TUBB8: variants seen among roughly 807,000 people sequenced by gnomAD.
TUBB8 encodes the protein tubulin beta 8 class VIII, also known as tubulin beta-8 chain.
Under a neutral mutation model 33.7 loss-of-function variants are expected in TUBB8, and 25 were observed. The observed-to-expected ratio is 0.74, with a 90% CI of 0.54 to 1.04. The LOEUF is 1.04. Ranked by LOEUF, TUBB8 falls within the 50% of genes least tolerant of loss-of-function variation. The probability of loss-of-function intolerance (pLI) is 0.00; values close to 1 mark genes in which losing one functional copy is unlikely to be tolerated. For missense variants in TUBB8, 279 were observed against 608.0 expected, an observed-to-expected ratio of 0.46 and a Z score of 5.69; for synonymous variants, 245 against 240.1, an observed-to-expected ratio of 1.02 and a Z score of -0.19.
intron 1 of TUBB8, among the ~76,000 whole-genome samples, chr10:71,728 A>G (rs1241663914): frequency 6.6e-6 from 1 of 151,816 alleles, no homozygotes; most frequent in Non-Finnish European, 1.5e-5. Flanking sequence ...GGAGTTAAAG[A>G]CAAACCTGAG....
At chr10:58,646 T>C (rs2130941441) in intron 1 of TUBB8, among the ~76,000 whole-genome samples, 1 of 152,234 alleles carries the variant, frequency 6.6e-6, no homozygotes, top group Non-Finnish European at 1.5e-5. Context: ...TTACACACTT[T>C]TAAATAACCA....
At chr10:67,685 A>G (rs1834688260) in intron 1 of TUBB8, among the ~76,000 whole-genome samples, 1 of 152,334 alleles carries the variant, frequency 6.6e-6, no homozygotes, top group Non-Finnish European at 1.5e-5. Context: ...TTGGACTCCA[A>G]AAGTGCTGGG....
upstream of TUBB8, chr10:49,538 A>C: frequency 3.3e-6 from 2 of 613,520 alleles, no homozygotes; most frequent in Non-Finnish European, 6.1e-6. Context: ...TCCCTAGCTG[A>C]GCTGAAACTG....
chr10:47,397 T>G lies in TUBB8; in HGVS notation c.995A>C (p.Asn332Thr). The G allele has an allele frequency of 6.2e-7, 1 of 1,612,644 alleles. No homozygotes were observed. Among genetic ancestry groups the G allele is most frequent in the Admixed American group, 1.7e-5 (1 of 60,024 alleles). ...PMREVDEQMFNIQDKNSSYFA... is the reference protein window; with the variant it reads ...PMREVDEQMFTIQDKNSSYFA... Reference sequence around the variant, plus strand: ...GTAACTGCTGTTCTTATCTTGAATGTTGAACATTTGTTCATCCACCTCCCT... The same window carrying G: ...GTAACTGCTGTTCTTATCTTGAATGGTGAACATTTGTTCATCCACCTCCCT... Residue 332 changes from asparagine (N) to threonine (T), a missense_variant, in exon 4 of 4, where the codon AAC becomes ACC. Physicochemically the swap from Asn to Thr is moderately conservative, Grantham distance 65. Around this residue, in one of 4 missense-constraint regions of TUBB8, gnomAD observed 123 missense variants for 228.9 expected, o/e 0.54. Transcript: ENST00000568584.
At chr10:49,440 A>C (rs1451475381), upstream of TUBB8, 12 of 706,202 alleles carry the variant, frequency 1.7e-5, no homozygotes, top group Non-Finnish European at 2.9e-5. Flanking sequence ...CATCTGTTGG[A>C]AAGCTCAGGT....
intron 1 of TUBB8, among the ~76,000 whole-genome samples, chr10:71,421 G>C (rs532051445): frequency 5.3e-5 from 8 of 151,262 alleles, no homozygotes; most frequent in African/African-American, 1.9e-4. Flanking sequence ...ATCACCTGAG[G>C]TCAGGAGTTC....
At chr10:75,654 CA>C (rs35362588), upstream of TUBB8, among the ~76,000 whole-genome samples, 912 of 93,510 alleles carry the variant, frequency 9.8e-3, 3 homozygotes, top group African/African-American at 0.033. Context: ...GACTCTGTCT[CA>C]AAAAAAAAAA....
intron 1 of TUBB8, among the ~76,000 whole-genome samples, chr10:57,223 T>C (rs1554740236): frequency 1.3e-5 from 2 of 152,244 alleles, no homozygotes; most frequent in Non-Finnish European, 1.5e-5. Context: ...TGGTATTGTG[T>C]GCCTCTGGCT....
At chr10:57,317 C>G (rs1453617171) in intron 1 of TUBB8, among the ~76,000 whole-genome samples, 1 of 152,220 alleles carries the variant, frequency 6.6e-6, no homozygotes, top group Non-Finnish European at 1.5e-5. Flanking sequence ...GGACAGTGAT[C>G]CTCTCCTCAC....
At chr10:65,460 C>CA (rs1442689055) in intron 1 of TUBB8, among the ~76,000 whole-genome samples, 7 of 152,232 alleles carry the variant, frequency 4.6e-5, no homozygotes, top group Admixed American at 3.9e-4. Context: ...TGTGGTGGCT[C>CA]ACACCTGAAA....
In TUBB8 at chr10:48,610, C is replaced by T. The variant is rs373396912; in HGVS notation, c.277+5G>A. ...GCCGCACCCCAGTCCTCGCCCGCAG[C>T]TCACCGAAGATGAAGTTGTCTGGCC... On this transcript the variant is annotated splice_donor_5th_base_variant and intron_variant, in intron 3 of 3. Transcript: ENST00000568584. The T allele has an allele frequency of 1.2e-6, 2 of 1,611,634 alleles. No homozygotes were observed. Among genetic ancestry groups the T allele is most frequent in the African/African-American group, 1.3e-5 (1 of 74,868 alleles).
intron 1 of TUBB8, among the ~76,000 whole-genome samples, chr10:58,281 T>C (rs1156823343): frequency 6.6e-6 from 1 of 152,246 alleles, no homozygotes; most frequent in Non-Finnish European, 1.5e-5. Context: ...AAATCTCAAC[T>C]TTCCCTCATT....
intron 1 of TUBB8, among the ~76,000 whole-genome samples, chr10:66,758 G>C (rs1834676191): frequency 6.6e-6 from 1 of 152,214 alleles, no homozygotes; most frequent in Non-Finnish European, 1.5e-5. Context: ...TATCACTTGA[G>C]AACAGGAGTT....
intron 1 of TUBB8, among the ~76,000 whole-genome samples, chr10:71,230 G>A (rs1273287353): frequency 1.2e-4 from 17 of 147,108 alleles, no homozygotes; most frequent in Non-Finnish European, 1.7e-4. Flanking sequence ...CAGGAGAATC[G>A]CTTGAGTCCA....
chr10:61,139 T>C (rs1834597148), intron 1 of TUBB8, among the ~76,000 whole-genome samples: 1 of 151,322 alleles, frequency 6.6e-6, no homozygotes, highest in Non-Finnish European at 1.5e-5. Flanking sequence ...GACGAGTTAG[T>C]GGGTGCAGCG....
At chr10:46,740 C>G, downstream of TUBB8, 1 of 381,442 alleles carries the variant, frequency 2.6e-6, no homozygotes, top group Non-Finnish European at 4.8e-6. Context: ...CCTGCCATGT[C>G]CACAGCCCAT....
upstream of TUBB8, among the ~76,000 whole-genome samples, chr10:50,668 G>A (rs577298191): frequency 2.0e-5 from 3 of 152,144 alleles, no homozygotes; most frequent in Non-Finnish European, 4.4e-5. Flanking sequence ...CCAAATTGCA[G>A]CATAAGCATG....
intron 1 of TUBB8, among the ~76,000 whole-genome samples, chr10:55,698 T>C (rs1288536767): frequency 6.6e-6 from 1 of 152,268 alleles, no homozygotes; most frequent in Non-Finnish European, 1.5e-5. Context: ...TTCACTCTTC[T>C]GCCTATGGCT....
At chr10:59,855 T>G (rs1834575578) in intron 1 of TUBB8, among the ~76,000 whole-genome samples, 1 of 152,228 alleles carries the variant, frequency 6.6e-6, no homozygotes, top group Admixed American at 6.5e-5. Context: ...AGTTCACTCT[T>G]GGTAAGTTGT....
Sources: gnomAD v4.1 joint callset for allele counts (sites outside exome capture counted in the v4.1 genomes callset) on GRCh38, gnomAD v4.1.1 for gene constraint, gnomAD v4.1.1 regional missense constraint, MANE v1.5 for transcripts, NCBI Gene and HGNC (gene_info 2026-07-23, HGNC 2026-07-21) for gene names.